The following SCMH1 variants were observed in gnomAD, a reference collection of about 807,000 sequenced individuals.
SCMH1 encodes polycomb protein SCMH1.
In SCMH1, 37 loss-of-function variants were observed where a neutral mutation model predicts 70.8. That is an observed-to-expected ratio of 0.52 (90% CI 0.40 to 0.69). The LOEUF is 0.69. Ranked by LOEUF, SCMH1 falls within the 30% of genes least tolerant of loss-of-function variation. The pLI is 0.00. For missense variants in SCMH1, 607 were observed against 827.3 expected (o/e 0.73, Z 3.27); for synonymous variants, 292 against 307.4 (o/e 0.95, Z 0.52).
exon 9 of SCMH1, chr1:41,075,402 C>A: frequency 2.5e-6 from 4 of 1,614,054 alleles, no homozygotes; most frequent in Non-Finnish European, 3.4e-6. Flanking sequence ...GGATGCTGGG[C>A]TTCTCAGTAT....
intron 7 of SCMH1, among the ~76,000 whole-genome samples, chr1:41,114,633 T>C (rs1669999444): frequency 6.6e-6 from 1 of 151,450 alleles, no homozygotes. Context: ...ATAAACATGA[T>C]AGTCTTTTCC....
chr1:41,207,247 A>T (rs1261369086), intron 1 of SCMH1, among the ~76,000 whole-genome samples: 2 of 152,252 alleles, frequency 1.3e-5, no homozygotes, highest in African/African-American at 4.8e-5. Flanking sequence ...AGACTGGCAA[A>T]TTGGATAAAG....
At chr1:41,192,756 T>C (rs1223795835) in intron 1 of SCMH1, among the ~76,000 whole-genome samples, 1 of 152,204 alleles carries the variant, frequency 6.6e-6, no homozygotes, top group African/African-American at 2.4e-5. Flanking sequence ...CAAACTGAAT[T>C]GGAGTGGAGC....
At chr1:41,147,303 G>A (rs1644674238) in intron 5 of SCMH1, among the ~76,000 whole-genome samples, 1 of 152,164 alleles carries the variant, frequency 6.6e-6, no homozygotes, top group Non-Finnish European at 1.5e-5. Flanking sequence ...AAAGTGGCAA[G>A]AGCAGATATC....
At chr1:41,215,018 T>C (rs1285158417) in intron 1 of SCMH1, among the ~76,000 whole-genome samples, 1 of 152,180 alleles carries the variant, frequency 6.6e-6, no homozygotes, top group Non-Finnish European at 1.5e-5. Context: ...TACTCAGCAC[T>C]TTGGAACAAC....
intron 5 of SCMH1, among the ~76,000 whole-genome samples, chr1:41,143,404 TTCCAGGTA>T (rs1644275077): frequency 6.6e-6 from 1 of 152,160 alleles, no homozygotes; most frequent in Non-Finnish European, 1.5e-5. Flanking sequence ...CTCCCTACCC[TTCCAGGTA>T]GGGACTTTTA....
At chr1:41,047,866 A>C (rs937354678) in intron 11 of SCMH1, among the ~76,000 whole-genome samples, 2 of 152,206 alleles carry the variant, frequency 1.3e-5, no homozygotes, top group African/African-American at 4.8e-5. Context: ...TATGGAGCCT[A>C]AGCTGTCATC....
At chr1:41,075,191 C>T in intron 9 of SCMH1, 28 bp downstream of exon 9, 1 of 1,610,302 alleles carries the variant, frequency 6.2e-7, no homozygotes, top group South Asian at 1.1e-5. Context: ...ACCCTTATTC[C>T]TTTCTGGGAA....
intron 6 of SCMH1, among the ~76,000 whole-genome samples, chr1:41,130,995 G>A (rs1674545846): frequency 6.6e-6 from 1 of 152,054 alleles, no homozygotes; most frequent in Non-Finnish European, 1.5e-5. Context: ...AGGTCATGAA[G>A]ATTTCCTCCT....
At position 41,185,784 on chromosome 1, in the gene SCMH1, C is replaced by A. The variant is rs75111969; in HGVS notation, c.13+337G>T. On this transcript the variant is annotated intron_variant, in intron 2 of 14. Coordinates refer to ENST00000337495, the Ensembl canonical transcript of SCMH1. ...CCAAGTAGCTGGGATTACAGGCATG[C>A]GCCACCATGCCCACCAGTTTTGTAT... Among the ~76,000 whole-genome samples, 999 of 151,876 alleles carry A rather than the reference C, an allele frequency of 6.6e-3. 14 individuals carry two copies. The highest frequency in any genetic ancestry group is 0.023 in the African/African-American group (961 of 41,434).
chr1:41,122,540 A>T (rs897391187), intron 6 of SCMH1, among the ~76,000 whole-genome samples: 13 of 151,864 alleles, frequency 8.6e-5, no homozygotes, highest in Non-Finnish European at 1.6e-4. Context: ...TAAGGAAAAA[A>T]CCCTCCATTT....
intron 12 of SCMH1, chr1:41,043,873 A>G (rs1169089178): frequency 6.6e-6 from 1 of 152,192 alleles, no homozygotes; most frequent in Admixed American, 6.5e-5. Context: ...TAAATAAATG[A>G]AAAACATTTT....
chr1:41,235,216 A>G (rs919392142), intron 1 of SCMH1, among the ~76,000 whole-genome samples: 22 of 152,186 alleles, frequency 1.4e-4, no homozygotes, highest in Middle Eastern at 3.2e-3. Context: ...TGAGTAAAAA[A>G]TTTTATGATT....
chr1:41,090,658 C>T (rs183172959), intron 8 of SCMH1, among the ~76,000 whole-genome samples: 2 of 151,958 alleles, frequency 1.3e-5, no homozygotes, highest in Non-Finnish European at 2.9e-5. Context: ...CAATTACATA[C>T]CTACAATTAA....
chr1:41,124,297 G>T (rs1364352304), intron 6 of SCMH1, among the ~76,000 whole-genome samples: 1 of 151,970 alleles, frequency 6.6e-6, no homozygotes, highest in Non-Finnish European at 1.5e-5. Context: ...CTACAAAATT[G>T]CAGTATTATC....
chr1:41,211,914 G>A (rs748464361), intron 1 of SCMH1, among the ~76,000 whole-genome samples: 1 of 152,042 alleles, frequency 6.6e-6, no homozygotes, highest in African/African-American at 2.4e-5. Flanking sequence ...ACTATCACAA[G>A]GACAGAAAAC....
chr1:41,082,429 G>C (rs750355190), intron 8 of SCMH1, among the ~76,000 whole-genome samples: 1 of 152,142 alleles, frequency 6.6e-6, no homozygotes, highest in African/African-American at 2.4e-5. Flanking sequence ...TTAAAGAAAA[G>C]AATTTTCAAC....
intron 1 of SCMH1, among the ~76,000 whole-genome samples, chr1:41,186,607 C>T (rs1188249857): frequency 2.0e-5 from 3 of 152,100 alleles, no homozygotes; most frequent in African/African-American, 4.8e-5. Context: ...CAAATTCATA[C>T]GTTAAAGCCC....
At chr1:41,157,549 C>G (rs1042093543) in intron 4 of SCMH1, among the ~76,000 whole-genome samples, 2 of 152,126 alleles carry the variant, frequency 1.3e-5, no homozygotes, top group Non-Finnish European at 2.9e-5. Flanking sequence ...AGAAAGAGAG[C>G]CTTAGATAAG....
Sources: gnomAD v4.1 joint callset for allele counts (sites outside exome capture counted in the v4.1 genomes callset) on GRCh38, gnomAD v4.1.1 for gene constraint, MANE v1.5 for transcripts, NCBI Gene and HGNC (gene_info 2026-07-23, HGNC 2026-07-21) for gene names.